The following PDLIM5 variants were observed in gnomAD, a reference collection of about 807,000 sequenced individuals.
PDLIM5 encodes the protein PDZ and LIM domain protein 5.
Under a neutral mutation model 64.2 loss-of-function variants are expected in PDLIM5, and 34 were observed. That is an observed-to-expected ratio of 0.53 (90% CI 0.40 to 0.71). PDLIM5 has a LOEUF of 0.71. Ranked by LOEUF, PDLIM5 falls within the 30% of genes least tolerant of loss-of-function variation. PDLIM5 has a pLI of 0.00. For missense variants in PDLIM5, 683 were observed against 733.6 expected (o/e 0.93, Z 0.80); for synonymous variants, 253 against 269.1 (o/e 0.94, Z 0.59).
intron 3 of PDLIM5, among the ~76,000 whole-genome samples, chr4:94,555,672 T>C (rs1042910297): frequency 1.3e-5 from 2 of 152,046 alleles, no homozygotes; most frequent in African/African-American, 2.4e-5. Flanking sequence ...ATAATGATTG[T>C]AACATTGAAA....
At chr4:94,635,682 T>G in intron 8 of PDLIM5, among the ~76,000 whole-genome samples, 1 of 151,782 alleles carries the variant, frequency 6.6e-6, no homozygotes, top group African/African-American at 2.4e-5. Context: ...TTTATGGTGC[T>G]TCCCCTGTCC....
intron 12 of PDLIM5, 41 bp from the exon 13 acceptor site, chr4:94,663,937 T>C (rs773283017): frequency 9.6e-5 from 152 of 1,578,350 alleles, no homozygotes; most frequent in Non-Finnish European, 1.2e-4. Context: ...CCTCTTAATA[T>C]CCTCTTAAAT....
At chr4:94,557,080 G>C (rs904051034) in intron 3 of PDLIM5, among the ~76,000 whole-genome samples, 1 of 152,098 alleles carries the variant, frequency 6.6e-6, no homozygotes, top group African/African-American at 2.4e-5. Flanking sequence ...ATTAATTTTC[G>C]TATAAGATGT....
intron 7 of PDLIM5, among the ~76,000 whole-genome samples, chr4:94,602,698 C>T (rs1262893081): frequency 6.6e-6 from 1 of 151,842 alleles, no homozygotes; most frequent in African/African-American, 2.4e-5. Flanking sequence ...TCAGGTGATC[C>T]ACCTGCCTTG....
At chr4:94,567,212 C>G (rs1488846810) in intron 3 of PDLIM5, among the ~76,000 whole-genome samples, 3 of 152,200 alleles carry the variant, frequency 2.0e-5, no homozygotes, top group Non-Finnish European at 4.4e-5. Context: ...CCAGGATGAT[C>G]TCGATCTCCT....
intron 2 of PDLIM5, among the ~76,000 whole-genome samples, chr4:94,523,024 A>C (rs908057983): frequency 6.6e-6 from 1 of 152,236 alleles, no homozygotes; most frequent in African/African-American, 2.4e-5. Flanking sequence ...AATTTGAAGG[A>C]GATCAGACTA....
chr4:94,516,785 G>A (rs1050671968), intron 2 of PDLIM5, among the ~76,000 whole-genome samples: 3 of 152,108 alleles, frequency 2.0e-5, no homozygotes, highest in African/African-American at 7.2e-5. Context: ...TCCCACCTCA[G>A]TCTCCCAAAG....
chr4:94,619,338 T>G lies in PDLIM5; in HGVS notation c.1108+1147T>G, dbSNP rs962084854. On this transcript the variant is annotated intron_variant, in intron 8 of 12. Transcript: ENST00000317968. ...CATACCTCCATACTACAGCAAGTGA[T>G]CTTTCTTTTTTTTCTTTTTTTTTTT... Among the ~76,000 whole-genome samples, 10 of 132,504 alleles carry G rather than the reference T, an allele frequency of 7.5e-5. No individual in the cohort carries two copies. In the Admixed American group the frequency reaches 8.9e-4, roughly 12 times the overall value. 86.9% of individuals were successfully genotyped at this position (132,504 alleles called of 152,430 possible).
At chr4:94,661,302 G>A (rs1322468006) in intron 11 of PDLIM5, among the ~76,000 whole-genome samples, 1 of 151,974 alleles carries the variant, frequency 6.6e-6, no homozygotes, top group African/African-American at 2.4e-5. Context: ...ACAGAGGCAG[G>A]AGGAGGCTTG....
intron 3 of PDLIM5, among the ~76,000 whole-genome samples, chr4:94,526,799 C>G (rs1259713992): frequency 6.6e-6 from 1 of 150,754 alleles, no homozygotes; most frequent in African/African-American, 2.5e-5. Context: ...TTGGCACCAT[C>G]TCAGCTCACT....
At chr4:94,561,514 G>GT (rs34666354) in intron 3 of PDLIM5, among the ~76,000 whole-genome samples, 15 of 152,174 alleles carry the variant, frequency 9.9e-5, no homozygotes, top group African/African-American at 3.1e-4. Flanking sequence ...GTTTATCGTA[G>GT]TTTTTTAAAG....
intron 3 of PDLIM5, among the ~76,000 whole-genome samples, chr4:94,558,247 T>G (rs2110231051): frequency 6.6e-6 from 1 of 152,094 alleles, no homozygotes; most frequent in South Asian, 2.1e-4. Context: ...TTGCATCAAC[T>G]TGGGCAAGTT....
intron 2 of PDLIM5, among the ~76,000 whole-genome samples, chr4:94,483,133 G>A: frequency 6.6e-6 from 1 of 152,068 alleles, no homozygotes; most frequent in East Asian, 1.9e-4. Context: ...TTGTGTGGGA[G>A]GGTGAGTGAG....
chr4:94,587,116 TA>T, intron 7 of PDLIM5: 1 of 1,573,602 alleles, frequency 6.4e-7, no homozygotes, highest in Non-Finnish European at 8.6e-7. Context: ...AGCCAGCACA[TA>T]CCTTTTCATT....
intron 2 of PDLIM5, among the ~76,000 whole-genome samples, chr4:94,520,121 C>T (rs983821387): frequency 1.3e-5 from 2 of 152,122 alleles, no homozygotes; most frequent in Non-Finnish European, 2.9e-5. Context: ...AACTCAGAGG[C>T]AGTTCCAACA....
intron 2 of PDLIM5, among the ~76,000 whole-genome samples, chr4:94,485,757 G>A (rs1399070043): frequency 2.0e-5 from 3 of 146,952 alleles, no homozygotes; most frequent in South Asian, 2.1e-4. Flanking sequence ...GGCTGAGTCA[G>A]AAGAATCGCT....
intron 5 of PDLIM5, among the ~76,000 whole-genome samples, chr4:94,576,539 A>G (rs1735276674): frequency 6.6e-6 from 1 of 152,260 alleles, no homozygotes; most frequent in Admixed American, 6.5e-5. Context: ...GCATTAGCTT[A>G]GAGCAGAGAG....
intron 2 of PDLIM5, among the ~76,000 whole-genome samples, chr4:94,519,804 G>A (rs1335489153): frequency 4.6e-5 from 7 of 152,156 alleles, no homozygotes; most frequent in Admixed American, 4.6e-4. Context: ...AGTAAAGTAA[G>A]ATGGGCAAGC....
chr4:94,489,440 G>A (rs776161716), intron 2 of PDLIM5, among the ~76,000 whole-genome samples: 3 of 152,126 alleles, frequency 2.0e-5, no homozygotes, highest in Non-Finnish European at 4.4e-5. Context: ...GAGTTTGACT[G>A]TCAGGCAGTT....
Sources: gnomAD v4.1 joint callset for allele counts (sites outside exome capture counted in the v4.1 genomes callset) on GRCh38, gnomAD v4.1.1 for gene constraint, MANE v1.5 for transcripts, NCBI Gene and HGNC (gene_info 2026-07-23, HGNC 2026-07-21) for gene names.